PEX14: variants seen among roughly 807,000 people sequenced by gnomAD.
The protein encoded by PEX14 is peroxisomal biogenesis factor 14, also known as peroxisomal membrane protein PEX14.
In PEX14, 15 loss-of-function variants were observed where a neutral mutation model predicts 49.5. The ratio of observed to expected loss-of-function variants is 0.30; its 90% CI spans 0.20 to 0.47. The LOEUF is 0.47. Among genes scored for constraint, PEX14 ranks in the 20% least tolerant of loss-of-function variants. The pLI is 1.00. For synonymous variants in PEX14, 210 were observed against 212.7 expected, an observed-to-expected ratio of 0.99 and a Z score of 0.11; for missense variants, 398 against 494.8, an observed-to-expected ratio of 0.80 and a Z score of 1.86.
chr1:10,549,637 A>G (rs1048747245), intron 3 of PEX14, among the ~76,000 whole-genome samples: 2 of 152,190 alleles, frequency 1.3e-5, no homozygotes, highest in African/African-American at 4.8e-5. Flanking sequence ...CCGATCCAAA[A>G]TGCTTGGGAC....
intron 3 of PEX14, among the ~76,000 whole-genome samples, chr1:10,565,037 G>A (rs564607359): frequency 6.6e-6 from 1 of 150,860 alleles, no homozygotes; most frequent in Non-Finnish European, 1.5e-5. Context: ...CCAAGTAGTT[G>A]GGACTACAGG....
In PEX14 at chr1:10,528,352, T is replaced by C. The variant is rs181570539; in HGVS notation, c.85-7861T>C. 94 of 942,112 alleles carry C rather than the reference T, an allele frequency of 1.0e-4. 1 individual carries two copies. In the East Asian group the frequency reaches 9.8e-3, roughly 99 times the overall value. 58.4% of individuals were successfully genotyped at this position (942,112 alleles called of 1,614,324 possible). On this transcript the variant is annotated intron_variant, in intron 2 of 8. Transcript: ENST00000356607. ...GTTTCATCTGCTGAGCATCTGAAGCTGCTGGAGGTTAGGAGAAATACCTTT... is the reference window on the plus strand; with the variant it reads ...GTTTCATCTGCTGAGCATCTGAAGCCGCTGGAGGTTAGGAGAAATACCTTT...
chr1:10,478,972 C>T lies in PEX14; in HGVS notation c.36+3970C>T, dbSNP rs569617747. ...TTCACCGTATTAGCCAGGATGGTCT[C>T]GATCTCCTGACCTCGTGATCCGCCC... On this transcript the variant is annotated intron_variant, in intron 1 of 8. Coordinates refer to ENST00000356607, the MANE Select transcript of PEX14 (RefSeq NM_004565.3). Among the ~76,000 whole-genome samples, 21 of 151,942 alleles carry T rather than the reference C, an allele frequency of 1.4e-4. 1 individual carries two copies. The highest frequency in any genetic ancestry group is 4.3e-4 in the African/African-American group (18 of 41,468).
At chr1:10,542,523 A>T (rs1639046447) in intron 3 of PEX14, among the ~76,000 whole-genome samples, 1 of 152,204 alleles carries the variant, frequency 6.6e-6, no homozygotes, top group Non-Finnish European at 1.5e-5. Context: ...GCACTTCGGG[A>T]GGCAGAGGCG....
At chr1:10,617,783 C>T (rs1441300659) in intron 4 of PEX14, among the ~76,000 whole-genome samples, 1 of 152,094 alleles carries the variant, frequency 6.6e-6, no homozygotes, top group Admixed American at 6.5e-5. Context: ...TGTTTTCTCT[C>T]CTCTGGCTCC....
At chr1:10,505,942 A>G (rs1444064668) in intron 2 of PEX14, among the ~76,000 whole-genome samples, 2 of 152,106 alleles carry the variant, frequency 1.3e-5, no homozygotes, top group African/African-American at 4.8e-5. Context: ...CAGCCTCCCA[A>G]AGTGCTGGGA....
chr1:10,605,901 T>G (rs1641113134), intron 4 of PEX14, among the ~76,000 whole-genome samples: 1 of 152,242 alleles, frequency 6.6e-6, no homozygotes, highest in Non-Finnish European at 1.5e-5. Flanking sequence ...TTGCTGTGTG[T>G]TCTGCCTGGT....
At chr1:10,487,168 G>A (rs1317876098) in intron 1 of PEX14, among the ~76,000 whole-genome samples, 1 of 151,986 alleles carries the variant, frequency 6.6e-6, no homozygotes, top group Non-Finnish European at 1.5e-5. Flanking sequence ...TACTCGATGT[G>A]TTATGCTTTT....
intron 3 of PEX14, among the ~76,000 whole-genome samples, chr1:10,580,218 A>C (rs1484002327): frequency 6.6e-6 from 1 of 151,988 alleles, no homozygotes; most frequent in Non-Finnish European, 1.5e-5. Flanking sequence ...GTGTAAATGG[A>C]ATTAAGACTC....
intron 3 of PEX14, among the ~76,000 whole-genome samples, chr1:10,591,635 C>CTGTGTG (rs61635531): frequency 0.054 from 7,540 of 139,604 alleles, 221 homozygotes; most frequent in Non-Finnish European, 0.068. Flanking sequence ...GGTATACACA[C>CTGTGTG]TGTGTGTGTG....
chr1:10,520,170 T>TTTTTTTTTA (rs1638237322), intron 2 of PEX14, among the ~76,000 whole-genome samples: 1 of 142,336 alleles, frequency 7.0e-6, no homozygotes, highest in Admixed American at 7.1e-5. Flanking sequence ...TTTGTTTTTT[T>TTTTTTTTTA]AACTAGAGAC....
intron 5 of PEX14, 56 bp from the exon 6 acceptor site, chr1:10,622,963 G>A: frequency 8.1e-7 from 1 of 1,231,068 alleles, no homozygotes; most frequent in Non-Finnish European, 1.2e-6. Context: ...TTGAGAGATT[G>A]TTGGAGGATA....
At chr1:10,523,825 TAAAAA>T (rs59324356) in intron 2 of PEX14, among the ~76,000 whole-genome samples, 19 of 132,350 alleles carry the variant, frequency 1.4e-4, no homozygotes, top group Admixed American at 1.5e-4. Flanking sequence ...TCCTTTTAGT[TAAAAA>T]AAAAAAAAAA....
At chr1:10,573,056 A>G (rs1050987712) in intron 3 of PEX14, among the ~76,000 whole-genome samples, 3 of 152,220 alleles carry the variant, frequency 2.0e-5, no homozygotes, top group Admixed American at 2.0e-4. Flanking sequence ...CACAGAAAAA[A>G]GGTAATGAAT....
chr1:10,572,498 A>G (rs1320456056), intron 3 of PEX14, among the ~76,000 whole-genome samples: 1 of 152,228 alleles, frequency 6.6e-6, no homozygotes, highest in Non-Finnish European at 1.5e-5. Context: ...GAAGATATTC[A>G]TAATACAGTC....
intron 4 of PEX14, among the ~76,000 whole-genome samples, chr1:10,604,494 G>A (rs1267861628): frequency 6.6e-6 from 1 of 152,088 alleles, no homozygotes; most frequent in Non-Finnish European, 1.5e-5. Flanking sequence ...GCATGGTGGT[G>A]CGTGTACTTG....
intron 3 of PEX14, among the ~76,000 whole-genome samples, chr1:10,588,168 C>T (rs1171959924): frequency 6.6e-6 from 1 of 151,580 alleles, no homozygotes; most frequent in South Asian, 2.1e-4. Flanking sequence ...TGCAGTGAGC[C>T]GAGATTGCAC....
Position 10,487,372 on chromosome 1 carries a change from G to A in PEX14, c.37-7902G>A, listed in dbSNP as rs183671059. 2.0e-5 allele frequency among the ~76,000 whole-genome samples: 3 copies of A among 147,270 alleles called. No homozygotes were observed. In the East Asian group the frequency reaches 5.9e-4, roughly 29 times the overall value. On this transcript the variant is annotated intron_variant, in intron 1 of 8. Transcript: ENST00000356607. Reference sequence around the variant, plus strand: ...TCTTTGAAACAGTTTATATAAGATTGCCATTATTTCTTCCTTAAATGTTTG... The same window carrying A: ...TCTTTGAAACAGTTTATATAAGATTACCATTATTTCTTCCTTAAATGTTTG...
chr1:10,500,104 G>C (rs1439418719), intron 2 of PEX14, among the ~76,000 whole-genome samples: 2 of 151,942 alleles, frequency 1.3e-5, no homozygotes, highest in Non-Finnish European at 2.9e-5. Context: ...AGCCAGTACT[G>C]TGATCTCTGT....
Sources: gnomAD v4.1 joint callset for allele counts (sites outside exome capture counted in the v4.1 genomes callset) on GRCh38, gnomAD v4.1.1 for gene constraint, MANE v1.5 for transcripts, NCBI Gene and HGNC (gene_info 2026-07-23, HGNC 2026-07-21) for gene names.